The following MDM1 variants were observed in gnomAD, a reference collection of about 807,000 sequenced individuals.
MDM1 encodes the protein Mdm1 nuclear protein.
Under a neutral mutation model 89.1 loss-of-function variants are expected in MDM1, and 61 were observed. The observed-to-expected ratio is 0.68, with a 90% confidence interval of 0.56 to 0.85. MDM1 has a LOEUF of 0.85. Among genes scored for constraint, MDM1 ranks in the 40% least tolerant of loss-of-function variants. The pLI is 0.00. For synonymous variants in MDM1, 290 were observed against 294.1 expected (o/e 0.99, Z 0.14); for missense variants, 820 against 846.5 (o/e 0.97, Z 0.39).
chr12:68,329,965 C>T (rs1043534286), intron 2 of MDM1, among the ~76,000 whole-genome samples: 2 of 152,164 alleles, frequency 1.3e-5, no homozygotes, highest in African/African-American at 2.4e-5. Context: ...GCTGGGGCAG[C>T]GACCTCATCT....
chr12:68,311,910 G>A (rs1353888212), intron 12 of MDM1, among the ~76,000 whole-genome samples: 23 of 151,970 alleles, frequency 1.5e-4, no homozygotes, highest in Admixed American at 1.3e-3. Context: ...AGACCTCCAC[G>A]TTGCTAAATC....
At chr12:68,326,547 G>T in intron 3 of MDM1, 110 bp downstream of exon 3, 1 of 1,608,808 alleles carries the variant, frequency 6.2e-7, no homozygotes, top group Non-Finnish European at 8.5e-7. Context: ...CATTAGACAA[G>T]AAAACAACAA....
intron 12 of MDM1, 113 bp from the exon 13 acceptor site, chr12:68,302,985 A>T (rs929208308): frequency 2.1e-6 from 2 of 966,806 alleles, no homozygotes; most frequent in Non-Finnish European, 2.9e-6. Context: ...GAGAAATATG[A>T]GAGAATTTAT....
intron 5 of MDM1, among the ~76,000 whole-genome samples, chr12:68,321,914 A>G (rs1449611273): frequency 6.6e-6 from 1 of 152,236 alleles, no homozygotes; most frequent in East Asian, 1.9e-4. Context: ...TAACAAATAC[A>G]TATCTAAATA....
chr12:68,303,123 A>G (rs892007082), intron 12 of MDM1, among the ~76,000 whole-genome samples: 3 of 152,194 alleles, frequency 2.0e-5, no homozygotes, highest in Non-Finnish European at 4.4e-5. Flanking sequence ...TATGACTGAC[A>G]ATGAATTATC....
intron 4 of MDM1, 157 bp downstream of exon 4, chr12:68,325,284 T>C: frequency 7.5e-7 from 1 of 1,325,784 alleles, no homozygotes; most frequent in Non-Finnish European, 9.7e-7. Context: ...AAATCATAAG[T>C]AATAGGATGA....
intron 2 of MDM1, among the ~76,000 whole-genome samples, chr12:68,327,880 C>A (rs745546778): frequency 2.0e-5 from 3 of 152,288 alleles, no homozygotes; most frequent in Non-Finnish European, 4.4e-5. Flanking sequence ...TGGAGGCACA[C>A]AAAGATGTTT....
At chr12:68,327,579 G>A (rs1876193240) in intron 2 of MDM1, 1 of 1,438,190 alleles carries the variant, frequency 7.0e-7, no homozygotes, top group African/African-American at 1.4e-5. Context: ...TTTCTGTATG[G>A]AAAGCAAATG....
chr12:68,323,014 A>G (rs1875436553), intron 5 of MDM1, 59 bp downstream of exon 5: 1 of 1,522,480 alleles, frequency 6.6e-7, no homozygotes. Flanking sequence ...GTAAACGAAA[A>G]CGTGGAGAAT....
At position 68,295,223 on chromosome 12, in the gene MDM1, G is replaced by T; in HGVS notation, c.*31C>A. On this transcript the variant is annotated 3_prime_UTR_variant, in exon 15 of 15. Coordinates refer to ENST00000682720, the MANE Select transcript of MDM1 (RefSeq NM_001354969.2). ...AGCAATAAAGAAAAATTATGCCAAT[G>T]TTTCCTTAGATAAAGGCAACTCAGC... is the stretch of plus-strand genomic sequence containing the variant. 1 of 1,436,132 alleles carries T rather than the reference G, an allele frequency of 7.0e-7. No individual in the cohort carries two copies. Among genetic ancestry groups the T allele is most frequent in the Non-Finnish European group, 9.6e-7 (1 of 1,040,528 alleles). 89.0% of individuals were successfully genotyped at this position (1,436,132 alleles called of 1,614,324 possible).
At chr12:68,298,251 C>T (rs933514021) in intron 13 of MDM1, among the ~76,000 whole-genome samples, 3 of 152,190 alleles carry the variant, frequency 2.0e-5, no homozygotes, top group Admixed American at 6.5e-5. Flanking sequence ...AATCTGTCTA[C>T]GTGACAAGTT....
At chr12:68,329,338 C>G (rs10878808) in intron 2 of MDM1, among the ~76,000 whole-genome samples, 37,564 of 152,084 alleles carry the variant, frequency 0.25, 5,042 homozygotes, top group Middle Eastern at 0.45. Context: ...TTCTCTAGAC[C>G]AAATTCTGAA....
chr12:68,331,900 C>CA, intron 1 of MDM1: 1 of 641,774 alleles, frequency 1.6e-6, no homozygotes, highest in East Asian at 3.1e-5. Flanking sequence ...CTAAATGGGC[C>CA]ACAGGTGTCC....
intron 2 of MDM1, among the ~76,000 whole-genome samples, chr12:68,328,013 C>A (rs552444773): frequency 6.6e-6 from 1 of 152,290 alleles, no homozygotes; most frequent in South Asian, 2.1e-4. Context: ...TCTGCAGTTC[C>A]ATTTCCCACC....
At position 68,331,164 on chromosome 12, in the gene MDM1, A is replaced by G. The variant is rs767059630; in HGVS notation, c.76T>C (p.Cys26Arg). Reference sequence around the variant, plus strand: ...TACTTTCGCCCCACGGAGGAATTACAAGACTCGGACAAATAAGACTTTTTC... The same window carrying G: ...TACTTTCGCCCCACGGAGGAATTACGAGACTCGGACAAATAAGACTTTTTC... Reference protein sequence around the residue: ...LWKKSYLSESCNSSVGRKYPW... With the variant: ...LWKKSYLSESRNSSVGRKYPW... Residue 26 changes from cysteine to arginine, a missense_variant, in exon 2 of 15, where the codon TGT becomes CGT. Physicochemically the swap from Cys to Arg is radical, Grantham distance 180. Transcript: ENST00000682720. 9 of 1,612,332 alleles carry G rather than the reference A, an allele frequency of 5.6e-6. No individual in the cohort carries two copies. In the Admixed American group the frequency reaches 1.3e-4, roughly 24 times the overall value.
In MDM1 at chr12:68,296,989, A is replaced by T; in HGVS notation, c.2003-7T>A. 1 of 1,589,030 alleles carries T rather than the reference A, an allele frequency of 6.3e-7. No homozygotes were observed. The highest frequency in any genetic ancestry group is 8.5e-7 in the Non-Finnish European group (1 of 1,170,970). ...TTCATCCTTGCTTTTCCCACTTAAAAAAAAAAAGGCAGAATAAATTATCCT... is the reference window on the plus strand; with the variant it reads ...TTCATCCTTGCTTTTCCCACTTAAATAAAAAAAGGCAGAATAAATTATCCT... On this transcript the variant is annotated splice_polypyrimidine_tract_variant and splice_region_variant and intron_variant, in intron 13 of 14. Transcript: ENST00000682720.
chr12:68,331,976 C>T (rs1470207954), intron 1 of MDM1: 1 of 696,510 alleles, frequency 1.4e-6, no homozygotes, highest in East Asian at 2.7e-5. Context: ...CCTCTTGAGT[C>T]CCCCTAAGTA....
rs752147079 is a variant in MDM1, at chr12:68,325,564, A to C, written c.510T>G (p.Leu170=). Residue 170 remains leucine, a synonymous_variant, in exon 4 of 15, where the codon CTT becomes CTG. Transcript: ENST00000682720. Reference sequence around the variant, plus strand: ...CAGTCAATCCAGCTTTCTTACGCAGAAGTCTATCCAACTGTTCAAAAAACA... The same window carrying C: ...CAGTCAATCCAGCTTTCTTACGCAGCAGTCTATCCAACTGTTCAAAAAACA... ...SENVDNGLDR[L]LRKKAGLTVV... 3 of 1,564,798 alleles carry C rather than the reference A, an allele frequency of 1.9e-6. No homozygotes were observed. Among genetic ancestry groups the C allele is most frequent in the Non-Finnish European group, 1.7e-6 (2 of 1,157,602 alleles).
chr12:68,332,217 C>T lies in MDM1; in HGVS notation c.18+11G>A, dbSNP rs757956066. ...CCCAGCCACATTCCGGCCCGGGGAC[C>T]CCAGCCTCACCTTGAAGCGCACCGG... On this transcript the variant is annotated intron_variant, in intron 1 of 14. Coordinates refer to ENST00000682720, the MANE Select transcript of MDM1 (RefSeq NM_001354969.2). 3.2e-6 allele frequency: 5 copies of T among 1,567,870 alleles called. No individual in the cohort carries two copies. The South Asian group carries it at 4.7e-5, about 15-fold the overall frequency.
Sources: gnomAD v4.1 joint callset for allele counts (sites outside exome capture counted in the v4.1 genomes callset) on GRCh38, gnomAD v4.1.1 for gene constraint, MANE v1.5 for transcripts, NCBI Gene and HGNC (gene_info 2026-07-23, HGNC 2026-07-21) for gene names.